The following RASA2 variants were observed in gnomAD, a reference collection of about 807,000 sequenced individuals.
RASA2 encodes ras GTPase-activating protein 2.
In RASA2, 155 loss-of-function variants were observed where a neutral mutation model predicts 118.2. The observed-to-expected ratio is 1.31, with a 90% CI of 1.15 to 1.50. RASA2 has a LOEUF of 1.50. Ranked by LOEUF, RASA2 falls within the 40% of genes most tolerant of loss-of-function variation. The probability of loss-of-function intolerance (pLI) is 0.00; values close to 1 mark genes in which losing one functional copy is unlikely to be tolerated. For synonymous variants in RASA2, 353 were observed against 349.1 expected, an observed-to-expected ratio of 1.01 and a Z score of -0.12; for missense variants, 1,016 against 1,009.6, an observed-to-expected ratio of 1.01 and a Z score of -0.09.
intron 23 of RASA2, among the ~76,000 whole-genome samples, chr3:141,611,977 A>G (rs1303725648): frequency 6.6e-6 from 1 of 152,126 alleles, no homozygotes; most frequent in Non-Finnish European, 1.5e-5. Context: ...ATTTTTCTCT[A>G]TTAAAAAATA....
chr3:141,551,074 T>G (rs2082567775), intron 5 of RASA2, among the ~76,000 whole-genome samples: 2 of 152,220 alleles, frequency 1.3e-5, no homozygotes, highest in Admixed American at 1.3e-4. Flanking sequence ...CTATTGATTT[T>G]TCTTTTCATT....
At chr3:141,581,204 T>C in intron 17 of RASA2, 27 bp downstream of exon 17, 1 of 1,389,988 alleles carries the variant, frequency 7.2e-7, no homozygotes, top group Non-Finnish European at 9.5e-7. Context: ...CTGGAATTGT[T>C]AATATTTATT....
At chr3:141,489,061 T>C (rs753417087) in intron 1 of RASA2, among the ~76,000 whole-genome samples, 2 of 152,218 alleles carry the variant, frequency 1.3e-5, no homozygotes, top group Admixed American at 6.5e-5. Context: ...AAAACCACTT[T>C]GTTTCTATGG....
Position 141,538,778 on chromosome 3 carries a change from A to T in RASA2, c.451-1755A>T, listed in dbSNP as rs1418904822. Among the ~76,000 whole-genome samples the T allele has an allele frequency of 2.0e-5, 3 of 152,214 alleles. No homozygotes were observed. In the South Asian group the frequency reaches 6.2e-4, roughly 31 times the overall value. ...ATACCTAAGGAATGTTTTATTTACC[A>T]GTCAGTGGGAGTAATGAACATATTA... On this transcript the variant is annotated intron_variant, in intron 4 of 23. Transcript: ENST00000286364.
At chr3:141,522,966 G>GGCCT (rs1251290530) in intron 3 of RASA2, among the ~76,000 whole-genome samples, 1 of 151,896 alleles carries the variant, frequency 6.6e-6, no homozygotes. Flanking sequence ...GAGTCTGCAG[G>GGCCT]GCCTGTTCCT....
chr3:141,487,250 C>T (rs747476976), intron 1 of RASA2, 34 bp downstream of exon 1: 2 of 1,283,392 alleles, frequency 1.6e-6, no homozygotes, highest in Non-Finnish European at 2.0e-6. Flanking sequence ...GACGCCCTGG[C>T]GGCGCTGGGC....
chr3:141,566,453 ACT>A (rs1223940043), intron 9 of RASA2, among the ~76,000 whole-genome samples: 1 of 152,200 alleles, frequency 6.6e-6, no homozygotes, highest in Non-Finnish European at 1.5e-5. Context: ...AAGGTGGAAA[ACT>A]CTATAGGACC....
At chr3:141,593,450 A>C (rs1423440538) in intron 19 of RASA2, among the ~76,000 whole-genome samples, 1 of 152,142 alleles carries the variant, frequency 6.6e-6, no homozygotes, top group Non-Finnish European at 1.5e-5. Flanking sequence ...TATTGGCTTG[A>C]GATACCAAAG....
In RASA2 at chr3:141,537,623, G is replaced by A. The variant is rs928838391; in HGVS notation, c.451-2910G>A. On this transcript the variant is annotated intron_variant, in intron 4 of 23. Coordinates refer to ENST00000286364, the MANE Select transcript of RASA2 (RefSeq NM_006506.5). ...GTCTCTACTAAAAATACAAAAATTA[G>A]CCGGGCGTGGTGGCACATGCCTGTA... is the stretch of plus-strand genomic sequence containing the variant. 2.6e-5 allele frequency among the ~76,000 whole-genome samples: 4 copies of A among 152,190 alleles called. No individual in the cohort carries two copies. In the East Asian group the frequency reaches 7.7e-4, roughly 29 times the overall value.
intron 1 of RASA2, among the ~76,000 whole-genome samples, chr3:141,487,899 G>C (rs1021335547): frequency 1.3e-5 from 2 of 152,194 alleles, no homozygotes; most frequent in Non-Finnish European, 2.9e-5. Flanking sequence ...GACTTGAATC[G>C]AGGGACGGCG....
chr3:141,543,976 A>AGC (rs2082445839), intron 5 of RASA2, among the ~76,000 whole-genome samples: 1 of 149,586 alleles, frequency 6.7e-6, no homozygotes, highest in Non-Finnish European at 1.5e-5. Context: ...CCCGGATTCA[A>AGC]GCGATTTTCA....
intron 15 of RASA2, among the ~76,000 whole-genome samples, chr3:141,580,101 T>A (rs1213645864): frequency 2.1e-4 from 27 of 130,148 alleles, no homozygotes; most frequent in South Asian, 4.8e-4. Context: ...TATATATATA[T>A]ATATATATAT....
intron 2 of RASA2, among the ~76,000 whole-genome samples, chr3:141,513,074 A>AC (rs113976589): frequency 0.022 from 3,292 of 149,104 alleles, 138 homozygotes; most frequent in African/African-American, 0.078. Flanking sequence ...AGAAAAAAAA[A>AC]AAAAAACAAA....
At chr3:141,542,802 C>A (rs2082424666) in intron 5 of RASA2, among the ~76,000 whole-genome samples, 1 of 151,856 alleles carries the variant, frequency 6.6e-6, no homozygotes, top group Non-Finnish European at 1.5e-5. Flanking sequence ...CTCTTCTAAC[C>A]CTTGGCAACC....
At chr3:141,573,040 T>C in intron 12 of RASA2, 107 bp from the exon 13 acceptor site, 1 of 1,015,354 alleles carries the variant, frequency 9.8e-7, no homozygotes, top group South Asian at 1.8e-5. Flanking sequence ...TACGCTTTGC[T>C]ACAGTTTAAA....
intron 4 of RASA2, among the ~76,000 whole-genome samples, chr3:141,535,949 G>C (rs1354391170): frequency 2.0e-5 from 3 of 152,228 alleles, no homozygotes; most frequent in Middle Eastern, 3.4e-3. Flanking sequence ...TTCCCAAACT[G>C]TATGCAGAAA....
At chr3:141,506,888 C>T (rs1246671051) in intron 1 of RASA2, among the ~76,000 whole-genome samples, 5 of 141,122 alleles carry the variant, frequency 3.5e-5, no homozygotes, top group Non-Finnish European at 6.0e-5. Context: ...TGCACTCCAG[C>T]GTGGGCGACA....
intron 1 of RASA2, among the ~76,000 whole-genome samples, chr3:141,496,408 CA>C (rs1559988243): frequency 6.6e-6 from 1 of 152,086 alleles, no homozygotes; most frequent in Admixed American, 6.6e-5. Flanking sequence ...AAAAATTTTG[CA>C]ATCTACTCAT....
At chr3:141,526,551 A>G (rs1230584358) in intron 3 of RASA2, among the ~76,000 whole-genome samples, 1 of 152,092 alleles carries the variant, frequency 6.6e-6, no homozygotes, top group Non-Finnish European at 1.5e-5. Flanking sequence ...AGTGCTGGAC[A>G]TGTTGTAGGT....
Sources: allele counts gnomAD v4.1 joint callset (sites outside exome capture counted in the v4.1 genomes callset), GRCh38; gene constraint gnomAD v4.1.1; transcripts MANE v1.5; gene names NCBI Gene and HGNC (gene_info 2026-07-23, HGNC 2026-07-21).